Variants in SDHAF4 observed in about 807,000 individuals in gnomAD.
The protein encoded by SDHAF4 is succinate dehydrogenase complex assembly factor 4.
SDHAF4 carries 14 observed loss-of-function variants against 14.3 expected under a neutral mutation model. The observed-to-expected ratio is 0.98, with a 90% CI of 0.65 to 1.53. The LOEUF (loss-of-function observed/expected upper bound fraction) is 1.53. Ranked by LOEUF, SDHAF4 falls within the 40% of genes most tolerant of loss-of-function variation. The pLI, the probability that SDHAF4 is intolerant of heterozygous loss-of-function variation, is 0.00. For synonymous variants in SDHAF4, 63 were observed against 47.3 expected (o/e 1.33, Z -1.36); for missense variants, 141 against 129.3 (o/e 1.09, Z -0.44).
Position 70,576,769 on chromosome 6 carries a change from C to T in SDHAF4, c.65-2645C>T, listed in dbSNP as rs76626083. Reference sequence around the variant, plus strand: ...ACTATCCTAAAGGCATAAATTGTCCCGTTTACTCAGCAATCTCATGTGACA... The same window carrying T: ...ACTATCCTAAAGGCATAAATTGTCCTGTTTACTCAGCAATCTCATGTGACA... On this transcript the variant is annotated intron_variant, in intron 1 of 2. Coordinates refer to ENST00000370474, the MANE Select transcript of SDHAF4 (RefSeq NM_145267.3). Among the ~76,000 whole-genome samples, 629 of 152,214 alleles carry T rather than the reference C, an allele frequency of 4.1e-3. 7 individuals carry two copies. Among genetic ancestry groups the T allele is most frequent in the African/African-American group, 0.012 (516 of 41,536 alleles).
At chr6:70,571,886 T>C (rs991144463) in intron 1 of SDHAF4, among the ~76,000 whole-genome samples, 4 of 152,046 alleles carry the variant, frequency 2.6e-5, no homozygotes, top group African/African-American at 9.7e-5. Flanking sequence ...TGGAAAGGTT[T>C]CCATTTTGTA....
At chr6:70,569,390 T>C (rs1802151553) in intron 1 of SDHAF4, among the ~76,000 whole-genome samples, 1 of 152,150 alleles carries the variant, frequency 6.6e-6, no homozygotes, top group Non-Finnish European at 1.5e-5. Flanking sequence ...TGCCTCAGCC[T>C]CCCAAGTAGC....
chr6:70,593,558 CA>C (rs1485453233), downstream of SDHAF4, among the ~76,000 whole-genome samples: 1 of 152,198 alleles, frequency 6.6e-6, no homozygotes, highest in African/African-American at 2.4e-5. Flanking sequence ...TGAGAGTAGC[CA>C]TGTGGACTAC....
intron 2 of SDHAF4, among the ~76,000 whole-genome samples, chr6:70,583,301 C>T (rs939406133): frequency 1.3e-4 from 20 of 152,016 alleles, no homozygotes; most frequent in African/African-American, 4.8e-4. Context: ...TTAGTAGAAA[C>T]GGGGTTTCAC....
chr6:70,587,255 C>G (rs1483195309), intron 2 of SDHAF4, among the ~76,000 whole-genome samples: 3 of 151,460 alleles, frequency 2.0e-5, no homozygotes, highest in African/African-American at 7.3e-5. Context: ...TTTGGGAGGC[C>G]AAGGTGGGTG....
At chr6:70,591,334 A>AT (rs76350573), downstream of SDHAF4, among the ~76,000 whole-genome samples, 5,627 of 100,914 alleles carry the variant, frequency 0.056, 963 homozygotes, top group Non-Finnish European at 0.082. Flanking sequence ...GAGAGGAAAG[A>AT]TTTTTTTTTT....
At chr6:70,591,089 G>A, downstream of SDHAF4, among the ~76,000 whole-genome samples, 1 of 152,110 alleles carries the variant, frequency 6.6e-6, no homozygotes, top group Non-Finnish European at 1.5e-5. Flanking sequence ...CATTGGGAAG[G>A]ACAGTCTACT....
downstream of SDHAF4, among the ~76,000 whole-genome samples, chr6:70,590,495 A>G (rs905282860): frequency 7.9e-5 from 12 of 152,198 alleles, no homozygotes; most frequent in African/African-American, 2.7e-4. Context: ...TTAGTATGTT[A>G]ATGAGCATAT....
At chr6:70,569,787 CCTTGTGGT>C (rs1158342380) in intron 1 of SDHAF4, among the ~76,000 whole-genome samples, 7 of 151,980 alleles carry the variant, frequency 4.6e-5, no homozygotes, top group African/African-American at 1.5e-4. Flanking sequence ...ATTGTGACTG[CCTTGTGGT>C]CTTGTCTAAG....
At chr6:70,573,231 C>A (rs1802207436) in intron 1 of SDHAF4, among the ~76,000 whole-genome samples, 1 of 141,302 alleles carries the variant, frequency 7.1e-6, no homozygotes, top group South Asian at 2.2e-4. Flanking sequence ...ATTATAAATT[C>A]TCTTTTCAAT....
chr6:70,577,718 T>A (rs1802274855), intron 1 of SDHAF4, among the ~76,000 whole-genome samples: 1 of 152,168 alleles, frequency 6.6e-6, no homozygotes, highest in African/African-American at 2.4e-5. Context: ...CCTTCTTCCC[T>A]CCCTGACAGT....
intron 1 of SDHAF4, among the ~76,000 whole-genome samples, chr6:70,576,248 G>A (rs757077991): frequency 2.6e-5 from 4 of 152,168 alleles, no homozygotes; most frequent in African/African-American, 7.2e-5. Flanking sequence ...ATCTTCCCCC[G>A]TGTTCTGTCA....
At chr6:70,567,130 G>A in intron 1 of SDHAF4, 126 bp downstream of exon 1, 2 of 932,666 alleles carry the variant, frequency 2.1e-6, no homozygotes, top group Non-Finnish European at 3.2e-6. Context: ...GGGCTGCCCA[G>A]CTTCTCCCGC....
At chr6:70,586,476 C>A (rs1397635050) in intron 2 of SDHAF4, among the ~76,000 whole-genome samples, 2 of 142,960 alleles carry the variant, frequency 1.4e-5, no homozygotes, top group African/African-American at 2.6e-5. Flanking sequence ...CTCTGTGAGC[C>A]CTGTGAGGGA....
At chr6:70,573,363 A>T (rs771849570) in intron 1 of SDHAF4, among the ~76,000 whole-genome samples, 5 of 141,394 alleles carry the variant, frequency 3.5e-5, no homozygotes, top group Admixed American at 7.3e-5. Context: ...TCCTGGGTTC[A>T]AGTGATTCTC....
chr6:70,597,187 G>A, the SDHAF4 span, among the ~76,000 whole-genome samples: 2 of 152,032 alleles, frequency 1.3e-5, no homozygotes, highest in Non-Finnish European at 2.9e-5. Flanking sequence ...AGGCTGAAGT[G>A]CAGTAGTGTG....
At chr6:70,592,345 G>A (rs1356520507), downstream of SDHAF4, among the ~76,000 whole-genome samples, 1 of 152,206 alleles carries the variant, frequency 6.6e-6, no homozygotes, top group Non-Finnish European at 1.5e-5. Flanking sequence ...TTAGGGATTA[G>A]AAGACAAGAA....
At chr6:70,587,855 A>G (rs1765222187) in intron 2 of SDHAF4, among the ~76,000 whole-genome samples, 1 of 152,232 alleles carries the variant, frequency 6.6e-6, no homozygotes, top group South Asian at 2.1e-4. Flanking sequence ...ATGATTATAA[A>G]TGGCAGTACC....
intron 1 of SDHAF4, among the ~76,000 whole-genome samples, chr6:70,571,042 T>C (rs1344811311): frequency 1.3e-5 from 2 of 152,222 alleles, no homozygotes; most frequent in African/African-American, 4.8e-5. Flanking sequence ...TAGCTACAGT[T>C]ATACCCTTTT....
Sources: allele counts gnomAD v4.1 joint callset (sites outside exome capture counted in the v4.1 genomes callset), GRCh38; gene constraint gnomAD v4.1.1; transcripts MANE v1.5; gene names NCBI Gene and HGNC (gene_info 2026-07-23, HGNC 2026-07-21).